PRR14L: variants seen among roughly 807,000 people sequenced by gnomAD.
PRR14L encodes proline rich 14 like.
In PRR14L, 80 loss-of-function variants were observed where a neutral mutation model predicts 155.0. The ratio of observed to expected loss-of-function variants is 0.52; its 90% confidence interval spans 0.43 to 0.62. PRR14L has a LOEUF of 0.62. Ranked by LOEUF, PRR14L falls within the 20% of genes least tolerant of loss-of-function variation. The pLI, the probability that PRR14L is intolerant of heterozygous loss-of-function variation, is 0.00. For synonymous variants in PRR14L, 883 were observed against 916.0 expected, an observed-to-expected ratio of 0.96 and a Z score of 0.65; for missense variants, 2,469 against 2,548.0, an observed-to-expected ratio of 0.97 and a Z score of 0.67.
At chr22:31,726,163 G>A (rs2074715575) in intron 2 of PRR14L, among the ~76,000 whole-genome samples, 1 of 151,698 alleles carries the variant, frequency 6.6e-6, no homozygotes, top group South Asian at 2.1e-4. Context: ...TTTTTTAGAG[G>A]CAGAGGTTGC....
chr22:31,739,240 A>G (rs2074799362), intron 1 of PRR14L, among the ~76,000 whole-genome samples: 1 of 152,220 alleles, frequency 6.6e-6, no homozygotes, highest in African/African-American at 2.4e-5. Flanking sequence ...TAAATGAGAA[A>G]ATAAAGATGG....
chr22:31,698,205 A>G (rs2147855653), intron 7 of PRR14L, among the ~76,000 whole-genome samples: 1 of 151,866 alleles, frequency 6.6e-6, no homozygotes, highest in African/African-American at 2.4e-5. Flanking sequence ...TTGTATTTTT[A>G]GTAGAGACAG....
chr22:31,712,431 T>A lies in PRR14L; in HGVS notation c.5408A>T (p.Tyr1803Phe), dbSNP rs779662346. The change falls in exon 4 of 9, where the codon TAT becomes TTT. Residue 1803 changes from tyrosine (Y) to phenylalanine (F), a missense_variant. Coordinates refer to ENST00000327423, the MANE Select transcript of PRR14L (RefSeq NM_173566.3). The part of the protein sequence containing the change: ...PPQPPAPLQD[Y>F]GGTAIVQTRA... ...GGTCTGGACTATGGCAGTGCCTCCA[T>A]AGTCTTGGAGAGGAGCTGGAGGCTG... The A allele has an allele frequency of 6.4e-7, 1 of 1,566,072 alleles. No individual in the cohort carries two copies. Among genetic ancestry groups the A allele is most frequent in the Admixed American group, 1.9e-5 (1 of 51,724 alleles).
chr22:31,695,561 C>T (rs2074531506), intron 7 of PRR14L, among the ~76,000 whole-genome samples: 1 of 152,030 alleles, frequency 6.6e-6, no homozygotes, highest in Admixed American at 6.6e-5. Flanking sequence ...GGCCTTATGC[C>T]CTCAGTGGTA....
chr22:31,686,254 A>T, intron 8 of PRR14L, among the ~76,000 whole-genome samples: 1 of 148,768 alleles, frequency 6.7e-6, no homozygotes, highest in Non-Finnish European at 1.5e-5. Context: ...GCCCACCACC[A>T]CGCCCGGCTA....
At chr22:31,689,479 C>A (rs8136047) in intron 7 of PRR14L, among the ~76,000 whole-genome samples, 21,504 of 152,150 alleles carry the variant, frequency 0.14, 2,037 homozygotes, top group African/African-American at 0.27. Flanking sequence ...CCAGGTTCAC[C>A]TATCATAAAA....
intron 2 of PRR14L, among the ~76,000 whole-genome samples, chr22:31,732,988 CTTT>C (rs131247): frequency 4.3e-5 from 6 of 140,738 alleles, no homozygotes; most frequent in Non-Finnish European, 3.1e-5. Context: ...AGAAGTGTAT[CTTT>C]TTTTTTTTTT....
chr22:31,690,664 C>T (rs372153308), intron 7 of PRR14L, among the ~76,000 whole-genome samples: 4 of 149,222 alleles, frequency 2.7e-5, no homozygotes, highest in South Asian at 4.2e-4. Flanking sequence ...TTCTTTGAGA[C>T]GGAGTCTTGC....
chr22:31,737,028 A>G (rs2074785331), intron 2 of PRR14L, among the ~76,000 whole-genome samples: 1 of 88,276 alleles, frequency 1.1e-5, no homozygotes. Flanking sequence ...ACAGTGAGAG[A>G]CTCAAAAAAA....
At chr22:31,706,975 G>A (rs142038264) in intron 4 of PRR14L, among the ~76,000 whole-genome samples, 4,410 of 152,018 alleles carry the variant, frequency 0.029, 210 homozygotes, top group African/African-American at 0.097. Flanking sequence ...CTTGAACCCG[G>A]GAGGTGGAGG....
chr22:31,711,212 G>A (rs111287104), intron 4 of PRR14L, among the ~76,000 whole-genome samples: 2,255 of 152,206 alleles, frequency 0.015, 48 homozygotes, highest in Middle Eastern at 0.044. Context: ...GGTGGCTACC[G>A]CCTGTAATCT....
Position 31,725,527 on chromosome 22 carries a change from G to T in PRR14L, c.547+11C>A. ...AGTGGATAAAGGAAGAGATTTGAGA[G>T]AAATAAATACCTTTGCTCCTTAGAA... On this transcript the variant is annotated intron_variant, in intron 3 of 8. Coordinates refer to ENST00000327423, the MANE Select transcript of PRR14L (RefSeq NM_173566.3). The T allele has an allele frequency of 1.3e-6, 2 of 1,527,252 alleles. No homozygotes were observed. The allele number at this position is 1,527,252 out of a possible 1,614,324, so 94.6% of individuals were successfully genotyped here.
At chr22:31,719,712 C>G (rs1448510705) in intron 3 of PRR14L, among the ~76,000 whole-genome samples, 1 of 151,726 alleles carries the variant, frequency 6.6e-6, no homozygotes, top group East Asian at 1.9e-4. Flanking sequence ...GCCAGACCAG[C>G]TAAGCTTCAA....
chr22:31,721,989 C>A (rs978378454), intron 3 of PRR14L, among the ~76,000 whole-genome samples: 1 of 152,052 alleles, frequency 6.6e-6, no homozygotes, highest in African/African-American at 2.4e-5. Context: ...CATTCCTCAG[C>A]CAATTTATAA....
chr22:31,710,202 G>A lies in PRR14L; in HGVS notation c.5756+1881C>T, dbSNP rs558117711. Among the ~76,000 whole-genome samples, 10 of 151,718 alleles carry A rather than the reference G, an allele frequency of 6.6e-5. No homozygotes were observed. The East Asian group carries it at 1.2e-3, about 18-fold the overall frequency. The stretch of plus-strand genomic sequence containing the variant: ...AGAGATCCACCTGCCTTGGCCTCCC[G>A]AAGTGCTAGGCTTACAGGCATGAGC... On this transcript the variant is annotated intron_variant, in intron 4 of 8. Coordinates refer to ENST00000327423, the MANE Select transcript of PRR14L (RefSeq NM_173566.3).
chr22:31,694,953 C>T (rs1362492241), intron 7 of PRR14L, among the ~76,000 whole-genome samples: 4 of 149,946 alleles, frequency 2.7e-5, no homozygotes, highest in African/African-American at 9.9e-5. Flanking sequence ...TGTGGCGGCA[C>T]ACTCCTGTAG....
intron 1 of PRR14L, among the ~76,000 whole-genome samples, chr22:31,745,740 G>C (rs1238507505): frequency 6.6e-6 from 1 of 151,608 alleles, no homozygotes; most frequent in African/African-American, 2.4e-5. Flanking sequence ...TCAGCTACTT[G>C]GGAGGCTAAG....
At chr22:31,686,342 T>G (rs1354164842) in intron 8 of PRR14L, among the ~76,000 whole-genome samples, 4 of 150,768 alleles carry the variant, frequency 2.7e-5, no homozygotes, top group African/African-American at 9.8e-5. Flanking sequence ...TCTCCTAACC[T>G]CATGATTCGC....
chr22:31,695,845 C>T (rs1310241855), intron 7 of PRR14L, among the ~76,000 whole-genome samples: 1 of 152,112 alleles, frequency 6.6e-6, no homozygotes, highest in Non-Finnish European at 1.5e-5. Flanking sequence ...GGTACTCTCC[C>T]TTAACCCGAG....
Sources: allele counts gnomAD v4.1 joint callset (sites outside exome capture counted in the v4.1 genomes callset), GRCh38; gene constraint gnomAD v4.1.1; transcripts MANE v1.5; gene names NCBI Gene and HGNC (gene_info 2026-07-23, HGNC 2026-07-21).